Variants in PCNA observed in about 807,000 individuals in gnomAD.
The protein encoded by PCNA is proliferating cell nuclear antigen, also known as DNA sliding clamp PCNA.
A neutral mutation model predicts 27.8 loss-of-function variants in PCNA; 4 were observed. That is an observed-to-expected ratio of 0.14 (90% CI 0.07 to 0.33). PCNA has a LOEUF of 0.33. PCNA is among the 10% of genes least tolerant of loss of function. PCNA has a pLI of 1.00. For missense variants in PCNA, 165 were observed against 327.4 expected (o/e 0.50, Z 3.83); for synonymous variants, 121 against 119.4 (o/e 1.01, Z -0.09).
rs1036269243 is a variant in PCNA, at chr20:5,117,718, G to A, written c.388-54C>T. On this transcript the variant is annotated intron_variant, in intron 3 of 5. Transcript: ENST00000379143. Reference sequence around the variant, plus strand: ...TAATTGTTAGAAATTTAATGATTTGGCACCCTCACTTTCTTAAAAGGCAAC... The same window carrying A: ...TAATTGTTAGAAATTTAATGATTTGACACCCTCACTTTCTTAAAAGGCAAC... The A allele has an allele frequency of 3.3e-5, 37 of 1,133,212 alleles. No homozygotes were observed. In the South Asian group the frequency reaches 5.4e-4, roughly 17 times the overall value. The allele number at this position is 1,133,212 out of a possible 1,614,324, so 70.2% of individuals were successfully genotyped here.
Position 5,115,248 on chromosome 20 carries a change from G to A in PCNA, c.*35C>T, listed in dbSNP as rs997757307. On this transcript the variant is annotated 3_prime_UTR_variant, in exon 6 of 6. Coordinates refer to ENST00000379143, the MANE Select transcript of PCNA (RefSeq NM_182649.2). ...TGGCATCTTAGAAGCAGTTCTCAAAGAGCTTAGTTTTATTTTCTTGAATTT... is the reference window on the plus strand; with the variant it reads ...TGGCATCTTAGAAGCAGTTCTCAAAAAGCTTAGTTTTATTTTCTTGAATTT... The A allele has an allele frequency of 1.3e-6, 2 of 1,530,850 alleles. No individual in the cohort carries two copies. The highest frequency in any genetic ancestry group is 1.8e-6 in the Non-Finnish European group (2 of 1,106,202). 94.8% of individuals were successfully genotyped at this position (1,530,850 alleles called of 1,614,324 possible).
rs951238633 is a variant in PCNA at position 5,114,970 on chromosome 20, G to A, written c.*313C>T. Reference sequence around the variant, plus strand: ...CTGCCCTGTGATGTTTGAAATTCAAGTAACTTTATTTAAATTCAAAAACAA... The same window carrying A: ...CTGCCCTGTGATGTTTGAAATTCAAATAACTTTATTTAAATTCAAAAACAA... On this transcript the variant is annotated 3_prime_UTR_variant, in exon 6 of 6. Transcript: ENST00000379143. The A allele has an allele frequency of 8.4e-6, 2 of 237,228 alleles. No individual in the cohort carries two copies. Among genetic ancestry groups the A allele is most frequent in the Non-Finnish European group, 1.7e-5 (2 of 119,050 alleles). 14.7% of individuals were successfully genotyped at this position (237,228 alleles called of 1,614,324 possible).
intron 1 of PCNA, among the ~76,000 whole-genome samples, chr20:5,125,150 G>A (rs1380797847): frequency 6.6e-6 from 1 of 152,166 alleles, no homozygotes; most frequent in Non-Finnish European, 1.5e-5. Context: ...ACCAGCCTAA[G>A]CAATAAAGTG....
intron 2 of PCNA, 37 bp downstream of exon 2, chr20:5,118,732 C>T: frequency 6.2e-7 from 1 of 1,608,388 alleles, no homozygotes; most frequent in Non-Finnish European, 8.5e-7. Flanking sequence ...TTTTGATTTT[C>T]TGTAGCTTCG....
In PCNA at chr20:5,118,795, G is replaced by A; in HGVS notation, c.293C>T (p.Thr98Ile). Reference protein sequence around the residue: ...ITLRAEDNADTLALVFEAPNQ... With the variant: ...ITLRAEDNADILALVFEAPNQ... The stretch of plus-strand genomic sequence containing the variant: ...TGGTGCTTCAAATACTAGCGCCAAG[G>A]TATCCGCGTTATCTTCGGCCCTTAG... Residue 98 changes from threonine to isoleucine, a missense_variant, in exon 2 of 6, where the codon ACC becomes ATC. Transcript: ENST00000379143. 6.2e-7 allele frequency: 1 copy of A among 1,614,046 alleles called. No individual in the cohort carries two copies. Among genetic ancestry groups the A allele is most frequent in the Non-Finnish European group, 8.5e-7 (1 of 1,179,928 alleles).
chr20:5,116,871 T>C (rs1169275094), intron 4 of PCNA, among the ~76,000 whole-genome samples: 1 of 152,190 alleles, frequency 6.6e-6, no homozygotes, highest in Non-Finnish European at 1.5e-5. Context: ...TCTATTTTGG[T>C]TAAACAAGGG....
upstream of PCNA, among the ~76,000 whole-genome samples, chr20:5,121,985 CT>C (rs34987280): frequency 3.0e-4 from 38 of 125,334 alleles, no homozygotes; most frequent in East Asian, 4.9e-4. Flanking sequence ...TTTTCTTTTT[CT>C]TTTTTTTTTT....
At chr20:5,119,991 T>G (rs1178201082), upstream of PCNA, 2 of 589,366 alleles carry the variant, frequency 3.4e-6, no homozygotes, top group Non-Finnish European at 6.1e-6. Context: ...GCTCTCACCC[T>G]GCGCCGCGTT....
intron 1 of PCNA, among the ~76,000 whole-genome samples, chr20:5,125,434 C>A (rs2090540814): frequency 6.6e-6 from 1 of 151,420 alleles, no homozygotes. Flanking sequence ...CCAGTCTGGG[C>A]AACATAGTGA....
chr20:5,125,794 G>T (rs2090543786), intron 1 of PCNA, among the ~76,000 whole-genome samples: 1 of 152,182 alleles, frequency 6.6e-6, no homozygotes, highest in Admixed American at 6.5e-5. Context: ...GGGAGACCTT[G>T]GCTAAGGTCC....
At chr20:5,119,434 G>T in intron 1 of PCNA, 144 bp downstream of exon 1, 1 of 677,910 alleles carries the variant, frequency 1.5e-6, no homozygotes, top group Non-Finnish European at 2.5e-6. Context: ...GCGCTCAGCT[G>T]GGCCCCACCC....
chr20:5,122,837 C>T (rs569094596), upstream of PCNA, among the ~76,000 whole-genome samples: 2 of 152,322 alleles, frequency 1.3e-5, no homozygotes, highest in East Asian at 3.9e-4. Flanking sequence ...TTTTAAATGA[C>T]AAACTCTATC....
Position 5,125,233 on chromosome 20 carries a change from G to T in PCNA, c.-117+1267C>A, listed in dbSNP as rs534299487. Among the ~76,000 whole-genome samples the T allele has an allele frequency of 1.4e-4, 21 of 152,230 alleles. 1 individual carries two copies. The South Asian group carries it at 4.4e-3, about 32-fold the overall frequency. On this transcript the variant is annotated intron_variant, in intron 1 of 6. Transcript: ENST00000379160. The stretch of plus-strand genomic sequence containing the variant: ...TGCACACCTGTAGTCCAAGCTACTC[G>T]GGCATATACTCATATAGAAATCAGG...
intron 4 of PCNA, among the ~76,000 whole-genome samples, chr20:5,116,814 G>A (rs756235074): frequency 3.9e-5 from 6 of 152,032 alleles, no homozygotes; most frequent in Non-Finnish European, 7.4e-5. Context: ...CACCACACCC[G>A]GCTAATTTTT....
At chr20:5,124,794 T>C (rs2090536061), upstream of PCNA, among the ~76,000 whole-genome samples, 1 of 152,152 alleles carries the variant, frequency 6.6e-6, no homozygotes, top group Non-Finnish European at 1.5e-5. Context: ...TCCATTAACC[T>C]GAGAGGGCTG....
At chr20:5,119,552 C>T (rs756313412) in intron 1 of PCNA, 26 bp downstream of exon 1, 19 of 1,590,676 alleles carry the variant, frequency 1.2e-5, no homozygotes, top group Non-Finnish European at 1.6e-5. Context: ...GGGCCGGGGC[C>T]GGCTTCCCGG....
At chr20:5,126,402 C>G (rs1023341390) in intron 1 of PCNA, 9 of 152,260 alleles carry the variant, frequency 5.9e-5, no homozygotes, top group Non-Finnish European at 1.3e-4. Flanking sequence ...CAGACTGAAG[C>G]GTGGGTTTCA....
rs1300524746 is a variant in PCNA at position 5,118,955 on chromosome 20, AC to A, written c.222-90del. ...GCGGTTAGAAGGGGTTACCACTCTC[AC>A]CCATCAGGCCGTCTCAGAACTGGTG... On this transcript the variant is annotated intron_variant, in intron 1 of 5. Transcript: ENST00000379143. 3.5e-5 allele frequency: 29 copies of A among 821,976 alleles called. No homozygotes were observed. In the Admixed American group the frequency reaches 5.9e-4, roughly 17 times the overall value. The allele number at this position is 821,976 out of a possible 1,614,324, so 50.9% of individuals were successfully genotyped here. A position where few individuals can be genotyped will look rare whatever the true frequency, so the allele number is the denominator to read the frequency against.
intron 4 of PCNA, 132 bp from the exon 5 acceptor site, chr20:5,115,704 G>T: frequency 1.6e-6 from 1 of 640,308 alleles, no homozygotes. Flanking sequence ...TTTGAAGACT[G>T]ATACATAAAG....
Sources: allele counts gnomAD v4.1 joint callset (sites outside exome capture counted in the v4.1 genomes callset), GRCh38; gene constraint gnomAD v4.1.1; transcripts MANE v1.5; gene names NCBI Gene and HGNC (gene_info 2026-07-23, HGNC 2026-07-21).